The following RHBDL3 variants were observed in gnomAD, a reference collection of about 807,000 sequenced individuals.
The protein encoded by RHBDL3 is rhomboid-related protein 3.
A neutral mutation model predicts 48.2 loss-of-function variants in RHBDL3; 28 were observed. The ratio of observed to expected loss-of-function variants is 0.58; its 90% CI spans 0.43 to 0.80. RHBDL3 has a LOEUF of 0.80. Ranked by LOEUF, RHBDL3 falls within the 30% of genes least tolerant of loss-of-function variation. RHBDL3 has a pLI of 0.00. For synonymous variants in RHBDL3, 208 were observed against 232.3 expected, an observed-to-expected ratio of 0.90 and a Z score of 0.95; for missense variants, 464 against 542.7, an observed-to-expected ratio of 0.85 and a Z score of 1.44.
At chr17:32,302,337 G>T (rs949742700) in intron 6 of RHBDL3, among the ~76,000 whole-genome samples, 16 of 138,020 alleles carry the variant, frequency 1.2e-4, no homozygotes, top group African/African-American at 4.2e-4. Context: ...GCAGTCACTT[G>T]AAAGTCTGCT....
chr17:32,273,002 T>C (rs1303826721), intron 2 of RHBDL3, among the ~76,000 whole-genome samples: 1 of 150,132 alleles, frequency 6.7e-6, no homozygotes, highest in African/African-American at 2.5e-5. Flanking sequence ...TGTTTTTGTT[T>C]TTGTTTGTTT....
intron 5 of RHBDL3, 121 bp from the exon 6 acceptor site, chr17:32,297,968 AGGC>A: frequency 2.9e-6 from 2 of 693,026 alleles, no homozygotes; most frequent in South Asian, 3.5e-5. Context: ...AGCTCCTCGC[AGGC>A]AGAGGTGGTC....
At chr17:32,292,972 AGT>A (rs2040366530) in intron 4 of RHBDL3, among the ~76,000 whole-genome samples, 1 of 152,084 alleles carries the variant, frequency 6.6e-6, no homozygotes, top group African/African-American at 2.4e-5. Context: ...AGGGCAACAG[AGT>A]GAGATCCTGT....
At chr17:32,300,615 C>CT (rs1367582619) in intron 6 of RHBDL3, among the ~76,000 whole-genome samples, 2 of 152,312 alleles carry the variant, frequency 1.3e-5, no homozygotes, top group East Asian at 3.9e-4. Flanking sequence ...GCCTTACTCT[C>CT]TAATTCCTTC....
At chr17:32,301,560 C>T (rs555123023) in intron 6 of RHBDL3, among the ~76,000 whole-genome samples, 286 of 152,220 alleles carry the variant, frequency 1.9e-3, no homozygotes, top group Non-Finnish European at 3.7e-3. Flanking sequence ...GTGGCTCACA[C>T]CTGTAATCCC....
rs187261570 is a variant in RHBDL3 at position 32,317,733 on chromosome 17, C to T, written c.943+1441C>T. Among the ~76,000 whole-genome samples, 73 of 152,282 alleles carry T rather than the reference C, an allele frequency of 4.8e-4. No individual in the cohort carries two copies. The East Asian group carries it at 6.2e-3, about 13-fold the overall frequency. On this transcript the variant is annotated intron_variant, in intron 8 of 8. Coordinates refer to ENST00000269051, the MANE Select transcript of RHBDL3 (RefSeq NM_138328.3). ...AGAAAAGAAAATGTACTTCACTTTG[C>T]GTTCCCTGGGATCCCACTGGAGGGC...
chr17:32,313,977 T>C (rs1219316690), intron 7 of RHBDL3, among the ~76,000 whole-genome samples: 1 of 152,140 alleles, frequency 6.6e-6, no homozygotes, highest in Non-Finnish European at 1.5e-5. Flanking sequence ...CAGGATGGTC[T>C]CGATCTCCTT....
intron 1 of RHBDL3, chr17:32,267,658 G>GGC: frequency 2.7e-6 from 1 of 375,458 alleles, no homozygotes. Flanking sequence ...CCACCTTGCC[G>GGC]CCCCCGCCCC....
At chr17:32,275,506 G>A (rs756619825) in intron 2 of RHBDL3, among the ~76,000 whole-genome samples, 18 of 152,094 alleles carry the variant, frequency 1.2e-4, no homozygotes, top group Non-Finnish European at 1.9e-4. Context: ...CCCCCAACCC[G>A]TGCTGCCCAC....
rs747538440 is a variant in RHBDL3, at chr17:32,294,450, C to T, written c.668+8C>T. ...CATCTTCATGCATGCAGGGTGAGTA[C>T]CTGTCTTCTTTTGCTCTGTCAAAAG... On this transcript the variant is annotated splice_region_variant and intron_variant, in intron 5 of 8. Transcript: ENST00000269051. 4.3e-6 allele frequency: 7 copies of T among 1,612,224 alleles called. No individual in the cohort carries two copies. Among genetic ancestry groups the T allele is most frequent in the Non-Finnish European group, 5.9e-6 (7 of 1,179,196 alleles).
At chr17:32,316,180 C>G in intron 7 of RHBDL3, 52 bp from the exon 8 acceptor site, 1 of 1,303,866 alleles carries the variant, frequency 7.7e-7, no homozygotes, top group South Asian at 1.2e-5. Context: ...CAAGACACAC[C>G]GGCAGAAGAG....
At chr17:32,307,820 A>C (rs564431387) in intron 7 of RHBDL3, among the ~76,000 whole-genome samples, 9 of 152,172 alleles carry the variant, frequency 5.9e-5, no homozygotes, top group Admixed American at 3.9e-4. Flanking sequence ...TTTCCTCTGA[A>C]TTCTGCCTCC....
chr17:32,281,507 C>T (rs9910291), intron 2 of RHBDL3, among the ~76,000 whole-genome samples: 86,849 of 151,884 alleles, frequency 0.57, 28,034 homozygotes, highest in African/African-American at 0.89. Context: ...CTGGGGGGCT[C>T]CCCAGGACTC....
chr17:32,321,487 G>A lies in RHBDL3; in HGVS notation c.*258G>A. ...CATCGGGCCAGGGTGAAGGTCTGGG[G>A]TGGGGTGTGAGAGTGGCCCTCCCTC... On this transcript the variant is annotated 3_prime_UTR_variant, in exon 9 of 9. Coordinates refer to ENST00000269051, the MANE Select transcript of RHBDL3 (RefSeq NM_138328.3). The A allele has an allele frequency of 1.0e-6, 1 of 997,198 alleles. No individual in the cohort carries two copies. The highest frequency in any genetic ancestry group is 1.4e-6 in the Non-Finnish European group (1 of 696,768). 61.8% of individuals were successfully genotyped at this position (997,198 alleles called of 1,614,324 possible).
intron 5 of RHBDL3, among the ~76,000 whole-genome samples, chr17:32,296,276 A>G (rs968600861): frequency 2.0e-5 from 3 of 148,960 alleles, no homozygotes; most frequent in African/African-American, 7.3e-5. Flanking sequence ...GAAAAAAAAC[A>G]GAAAACCTGG....
At chr17:32,315,524 C>T (rs1295488968) in intron 7 of RHBDL3, among the ~76,000 whole-genome samples, 3 of 152,138 alleles carry the variant, frequency 2.0e-5, no homozygotes, top group African/African-American at 7.2e-5. Context: ...TGGCCCACCC[C>T]CTCTCCAGTA....
intron 7 of RHBDL3, among the ~76,000 whole-genome samples, chr17:32,313,574 C>T (rs2040894111): frequency 1.3e-5 from 2 of 151,988 alleles, no homozygotes; most frequent in South Asian, 2.1e-4. Context: ...TCCCCACCCC[C>T]TCCTCCCTCC....
intron 2 of RHBDL3, among the ~76,000 whole-genome samples, chr17:32,270,883 A>G (rs1425573497): frequency 6.6e-6 from 1 of 152,190 alleles, no homozygotes; most frequent in Non-Finnish European, 1.5e-5. Flanking sequence ...GTCTGTTGTT[A>G]TAGTATAATA....
At chr17:32,267,481 G>T (rs2039666151) in intron 1 of RHBDL3, among the ~76,000 whole-genome samples, 1 of 151,744 alleles carries the variant, frequency 6.6e-6, no homozygotes, top group Admixed American at 6.6e-5. Flanking sequence ...TCATTGCGCC[G>T]GGGTCTGATG....
Sources: allele counts gnomAD v4.1 joint callset (sites outside exome capture counted in the v4.1 genomes callset), GRCh38; gene constraint gnomAD v4.1.1; transcripts MANE v1.5; gene names NCBI Gene and HGNC (gene_info 2026-07-23, HGNC 2026-07-21).